Variants in PRKAG1 observed in about 807,000 individuals in gnomAD.
The protein encoded by PRKAG1 is 5'-AMP-activated protein kinase subunit gamma-1.
PRKAG1 carries 27 observed loss-of-function variants against 48.2 expected under a neutral mutation model. That is an observed-to-expected ratio of 0.56 (90% CI 0.41 to 0.77). PRKAG1 has a LOEUF of 0.77. Ranked by LOEUF, PRKAG1 falls within the 30% of genes least tolerant of loss-of-function variation. The probability of loss-of-function intolerance (pLI) is 0.00; values close to 1 mark genes in which losing one functional copy is unlikely to be tolerated. For missense variants in PRKAG1, 287 were observed against 398.3 expected (o/e 0.72, Z 2.38); for synonymous variants, 130 against 147.7 (o/e 0.88, Z 0.87).
rs1941321262 is a variant in PRKAG1 at position 49,002,291 on chromosome 12, T to C, written c.*608A>G. On this transcript the variant is annotated 3_prime_UTR_variant, in exon 12 of 12. Transcript: ENST00000548065. The stretch of plus-strand genomic sequence containing the variant: ...CTGCAATATCGTGAAGAGATTCCTG[T>C]CATTTAATTAGATTTGCCACAAAAA... 1 of 179,278 alleles carries C rather than the reference T, an allele frequency of 5.6e-6. No individual in the cohort carries two copies. Among genetic ancestry groups the C allele is most frequent in the South Asian group, 1.2e-4 (1 of 8,304 alleles). 11.1% of individuals were successfully genotyped at this position (179,278 alleles called of 1,614,324 possible). A position where few individuals can be genotyped will look rare whatever the true frequency, so the allele number is the denominator to read the frequency against.
At chr12:49,009,573 C>T (rs971706616) in intron 2 of PRKAG1, among the ~76,000 whole-genome samples, 2 of 151,944 alleles carry the variant, frequency 1.3e-5, no homozygotes, top group Admixed American at 6.6e-5. Context: ...AAATTGTATC[C>T]TATACTTGTT....
In PRKAG1 at chr12:49,002,806, C is replaced by T. The variant is rs1465885844; in HGVS notation, c.*93G>A. 3.3e-6 allele frequency: 4 copies of T among 1,230,156 alleles called. No homozygotes were observed. The highest frequency in any genetic ancestry group is 3.5e-6 in the Non-Finnish European group (3 of 855,894). The allele number at this position is 1,230,156 out of a possible 1,614,324, so 76.2% of individuals were successfully genotyped here. A position where few individuals can be genotyped will look rare whatever the true frequency, so the allele number is the denominator to read the frequency against. On this transcript the variant is annotated 3_prime_UTR_variant, in exon 12 of 12. Coordinates refer to ENST00000548065, the MANE Select transcript of PRKAG1 (RefSeq NM_002733.5). ...GGACCCTGAACAGGGAACAGAGTCA[C>T]AATTCCCTCAAGTTTCATCTGATTC...
chr12:49,004,720 A>G, intron 7 of PRKAG1, 87 bp from the exon 8 acceptor site: 1 of 1,576,048 alleles, frequency 6.3e-7, no homozygotes, highest in Non-Finnish European at 8.7e-7. Context: ...CTCAACAGGG[A>G]AAACTGATGG....
Position 49,002,938 on chromosome 12 carries a change from C to G in PRKAG1, c.957G>C (p.Leu319=). Residue 319 remains leucine, a synonymous_variant, in exon 12 of 12, where the codon CTG becomes CTC. Transcript: ENST00000548065. ...VKGIVSLSDI[L]QALVLTGGEK... is the part of the protein sequence containing the mutation. ...CTCCACCTGTGAGCACCAGGGCCTG[C>G]AGGATGTCAGACAGTGATACAATTC... 2 of 1,614,212 alleles carry G rather than the reference C, an allele frequency of 1.2e-6. No individual in the cohort carries two copies. Among genetic ancestry groups the G allele is most frequent in the Non-Finnish European group, 1.7e-6 (2 of 1,180,026 alleles).
At chr12:49,015,244 C>T (rs1408218190) in intron 1 of PRKAG1, among the ~76,000 whole-genome samples, 2 of 152,198 alleles carry the variant, frequency 1.3e-5, no homozygotes, top group Non-Finnish European at 2.9e-5. Flanking sequence ...AAGATCTACA[C>T]AAAGGCACAA....
At chr12:49,004,823 G>GAC in intron 7 of PRKAG1, 141 bp downstream of exon 7, 1 of 768,342 alleles carries the variant, frequency 1.3e-6, no homozygotes, top group Non-Finnish European at 2.2e-6. Context: ...CTGTGTGTGT[G>GAC]TGTGTGTGTG....
At chr12:49,010,113 A>G (rs762751389) in intron 2 of PRKAG1, among the ~76,000 whole-genome samples, 3 of 152,122 alleles carry the variant, frequency 2.0e-5, no homozygotes, top group Non-Finnish European at 2.9e-5. Context: ...CCAGGGAGAT[A>G]CAGCCTTCAG....
intron 2 of PRKAG1, among the ~76,000 whole-genome samples, chr12:49,007,815 T>A (rs1417579583): frequency 1.3e-5 from 2 of 152,102 alleles, no homozygotes; most frequent in African/African-American, 4.8e-5. Context: ...CTCCTCATTA[T>A]TCCAGGAGCT....
At chr12:49,017,365 C>T in intron 1 of PRKAG1, 2 of 293,448 alleles carry the variant, frequency 6.8e-6, no homozygotes, top group Non-Finnish European at 1.3e-5. Context: ...CACCACCACG[C>T]CTGGGTAATT....
intron 9 of PRKAG1, 58 bp downstream of exon 9, chr12:49,003,699 C>T (rs1941396127): frequency 2.5e-6 from 4 of 1,606,882 alleles, no homozygotes; most frequent in Non-Finnish European, 3.4e-6. Context: ...CAGATCTTCC[C>T]AGAGCCACCC....
intron 2 of PRKAG1, among the ~76,000 whole-genome samples, chr12:49,008,934 G>A (rs1311812098): frequency 6.6e-6 from 1 of 152,024 alleles, no homozygotes; most frequent in Non-Finnish European, 1.5e-5. Flanking sequence ...TATTCGATGG[G>A]TCCTTTCAAT....
Position 49,005,371 on chromosome 12 carries a change from G to T in PRKAG1, c.251-7C>A. On this transcript the variant is annotated splice_region_variant and splice_polypyrimidine_tract_variant and intron_variant, in intron 4 of 11. Coordinates refer to ENST00000548065, the MANE Select transcript of PRKAG1 (RefSeq NM_002733.5). The surrounding 1 kb of genome is among the most constrained non-coding windows in gnomAD (Gnocchi z 4.1). ...TCAGTGATGGTCAGCATGCCTAGAG[G>T]ACAAGACAGAGCCCTCAGCACTGCC... 1.2e-6 allele frequency: 2 copies of T among 1,614,040 alleles called. No homozygotes were observed. The highest frequency in any genetic ancestry group is 1.7e-6 in the Non-Finnish European group (2 of 1,180,022).
At chr12:49,003,517 C>T (rs201938553) in intron 10 of PRKAG1, 41 bp downstream of exon 10, 15 of 1,602,806 alleles carry the variant, frequency 9.4e-6, no homozygotes, top group Non-Finnish European at 1.2e-5. Context: ...TGCCCCCCCC[C>T]CACCACTTCC....
intron 2 of PRKAG1, among the ~76,000 whole-genome samples, chr12:49,011,214 A>G (rs1941746458): frequency 6.6e-6 from 1 of 152,196 alleles, no homozygotes; most frequent in Admixed American, 6.5e-5. Context: ...CAGACTCCCA[A>G]GAACATGTCT....
chr12:49,008,694 G>A (rs780938157), intron 2 of PRKAG1: 3 of 152,206 alleles, frequency 2.0e-5, no homozygotes, highest in Non-Finnish European at 2.9e-5. Context: ...TAATTCGGCT[G>A]AATAGAGAAT....
At chr12:49,012,911 G>T in intron 2 of PRKAG1, 151 bp downstream of exon 2, 1 of 706,070 alleles carries the variant, frequency 1.4e-6, no homozygotes. Flanking sequence ...GGGTGATCTT[G>T]CCAAACTACT....
chr12:49,013,548 A>G (rs1199258261), intron 1 of PRKAG1, among the ~76,000 whole-genome samples: 1 of 152,074 alleles, frequency 6.6e-6, no homozygotes, highest in African/African-American at 2.4e-5. Flanking sequence ...CCAGCCTTAT[A>G]AGGCTCTTCA....
At position 49,002,331 on chromosome 12, in the gene PRKAG1, T is replaced by A. The variant is rs895402535; in HGVS notation, c.*568A>T. The stretch of plus-strand genomic sequence containing the variant: ...TGCCACAAAAAGCAATAACCTTAGC[T>A]AACCACGCTGCTCTCCTCCTCCACC... On this transcript the variant is annotated 3_prime_UTR_variant, in exon 12 of 12. Transcript: ENST00000548065. The A allele has an allele frequency of 1.1e-5, 2 of 179,220 alleles. No homozygotes were observed. Among genetic ancestry groups the A allele is most frequent in the Non-Finnish European group, 2.4e-5 (2 of 83,824 alleles). The allele number at this position is 179,220 out of a possible 1,614,324, so 11.1% of individuals were successfully genotyped here.
chr12:49,018,625 T>C, intron 1 of PRKAG1, 107 bp downstream of exon 1: 1 of 1,587,520 alleles, frequency 6.3e-7, no homozygotes, highest in East Asian at 2.3e-5. Context: ...TGCTTTTTGT[T>C]TGCTAGACAC....
Sources: allele counts gnomAD v4.1 joint callset (sites outside exome capture counted in the v4.1 genomes callset), GRCh38; gene constraint gnomAD v4.1.1; non-coding constraint Gnocchi (gnomAD v3.1); transcripts MANE v1.5; gene names NCBI Gene and HGNC (gene_info 2026-07-23, HGNC 2026-07-21).